SGMS1: variants seen among roughly 807,000 people sequenced by gnomAD.
SGMS1 encodes phosphatidylcholine:ceramide cholinephosphotransferase 1.
A neutral mutation model predicts 46.2 loss-of-function variants in SGMS1; 13 were observed. That is an observed-to-expected ratio of 0.28 (90% CI 0.18 to 0.45). The LOEUF is 0.45. Among genes scored for constraint, SGMS1 ranks in the 20% least tolerant of loss-of-function variants. SGMS1 has a pLI of 1.00. For missense variants in SGMS1, 324 were observed against 519.9 expected (o/e 0.62, Z 3.66); for synonymous variants, 203 against 187.8 (o/e 1.08, Z -0.66).
chr10:50,428,932 C>G (rs1211232937), intron 6 of SGMS1, among the ~76,000 whole-genome samples: 1 of 152,192 alleles, frequency 6.6e-6, no homozygotes, highest in Non-Finnish European at 1.5e-5. Context: ...CTTAAACATG[C>G]TCAGAACACT....
chr10:50,404,911 T>C (rs1286262828), intron 6 of SGMS1, among the ~76,000 whole-genome samples: 1 of 152,190 alleles, frequency 6.6e-6, no homozygotes, highest in African/African-American at 2.4e-5. Context: ...TCTGTATGTG[T>C]TGACAGGAAT....
Position 50,363,516 on chromosome 10 carries a change from T to C in SGMS1, c.-231-19171A>G, listed in dbSNP as rs1041243468. 2.6e-5 allele frequency among the ~76,000 whole-genome samples: 4 copies of C among 152,284 alleles called. No individual in the cohort carries two copies. In the East Asian group the frequency reaches 7.7e-4, roughly 29 times the overall value. Reference sequence around the variant, plus strand: ...GAGCAACTGCCTCTTCCCCACACCATAGAATACTGAAGTTTATCCTCTGGA... The same window carrying C: ...GAGCAACTGCCTCTTCCCCACACCACAGAATACTGAAGTTTATCCTCTGGA... On this transcript the variant is annotated intron_variant, in intron 6 of 10. Transcript: ENST00000361781.
intron 1 of SGMS1, among the ~76,000 whole-genome samples, chr10:50,600,244 T>G (rs983779625): frequency 3.9e-5 from 6 of 152,256 alleles, no homozygotes; most frequent in African/African-American, 7.2e-5. Context: ...CTGGTTCTGC[T>G]GGTTATGAAA....
intron 3 of SGMS1, among the ~76,000 whole-genome samples, chr10:50,502,936 A>C (rs1045356110): frequency 9.9e-5 from 15 of 152,226 alleles, no homozygotes; most frequent in African/African-American, 2.9e-4. Flanking sequence ...AGATACAGTT[A>C]AGCACAACCC....
At chr10:50,592,258 G>A (rs899480228) in intron 1 of SGMS1, among the ~76,000 whole-genome samples, 1 of 152,144 alleles carries the variant, frequency 6.6e-6, no homozygotes, top group East Asian at 1.9e-4. Flanking sequence ...GGTGAGGGAA[G>A]GTTAAGTAAA....
At chr10:50,434,720 C>A (rs150788541) in intron 5 of SGMS1, among the ~76,000 whole-genome samples, 67 of 137,056 alleles carry the variant, frequency 4.9e-4, no homozygotes, top group Non-Finnish European at 5.3e-4. Flanking sequence ...ACTAAAAATA[C>A]AAAAAAAAAA....
intron 7 of SGMS1, chr10:50,335,612 AG>A (rs1847703464): frequency 6.6e-6 from 1 of 152,226 alleles, no homozygotes; most frequent in Admixed American, 6.5e-5. Context: ...TGGCACCGAC[AG>A]GCTGGTGGGA....
At chr10:50,319,159 A>C (rs1376706399) in intron 8 of SGMS1, among the ~76,000 whole-genome samples, 1 of 126,666 alleles carries the variant, frequency 7.9e-6, no homozygotes, top group Non-Finnish European at 1.7e-5. Flanking sequence ...GAGATTTGCC[A>C]CCAAAAAAAA....
chr10:50,387,730 T>C (rs990389535), intron 6 of SGMS1, among the ~76,000 whole-genome samples: 15 of 152,188 alleles, frequency 9.9e-5, no homozygotes, highest in African/African-American at 1.7e-4. Context: ...CAGAGGTTAA[T>C]TGAGCAAAGA....
intron 6 of SGMS1, among the ~76,000 whole-genome samples, chr10:50,407,933 T>A (rs1469746047): frequency 1.3e-5 from 2 of 152,126 alleles, no homozygotes; most frequent in Non-Finnish European, 2.9e-5. Context: ...TAAATTTGTA[T>A]CTAAATATCA....
At chr10:50,529,071 C>T (rs1391951546) in intron 2 of SGMS1, among the ~76,000 whole-genome samples, 1 of 152,154 alleles carries the variant, frequency 6.6e-6, no homozygotes, top group Admixed American at 6.5e-5. Flanking sequence ...AAAGGAACAT[C>T]AATGGCATTA....
At chr10:50,361,588 C>T (rs758107039) in intron 6 of SGMS1, among the ~76,000 whole-genome samples, 1 of 152,138 alleles carries the variant, frequency 6.6e-6, no homozygotes, top group Non-Finnish European at 1.5e-5. Context: ...CGGGATTGCC[C>T]CTTGCAACTT....
At chr10:50,433,174 C>T (rs1849426960) in intron 6 of SGMS1, among the ~76,000 whole-genome samples, 1 of 152,138 alleles carries the variant, frequency 6.6e-6, no homozygotes. Context: ...AGGGTTATTC[C>T]AAGCTTAATT....
At chr10:50,590,891 C>T (rs889619041) in intron 1 of SGMS1, among the ~76,000 whole-genome samples, 2 of 152,142 alleles carry the variant, frequency 1.3e-5, no homozygotes, top group African/African-American at 4.8e-5. Flanking sequence ...GCCCAAACAT[C>T]CACTCTAACA....
chr10:50,588,887 C>T (rs960127440), intron 2 of SGMS1, among the ~76,000 whole-genome samples: 5 of 151,936 alleles, frequency 3.3e-5, no homozygotes, highest in East Asian at 1.9e-4. Context: ...ATGTCACTAC[C>T]GCTCAGCTAA....
chr10:50,539,989 A>C (rs1838037969), intron 2 of SGMS1, among the ~76,000 whole-genome samples: 1 of 152,208 alleles, frequency 6.6e-6, no homozygotes, highest in African/African-American at 2.4e-5. Flanking sequence ...TTTATGTCAA[A>C]GCATACTGAA....
chr10:50,327,695 C>A (rs1847553049), intron 7 of SGMS1, among the ~76,000 whole-genome samples: 1 of 152,118 alleles, frequency 6.6e-6, no homozygotes, highest in African/African-American at 2.4e-5. Flanking sequence ...TTGCTGTCAT[C>A]AAAGGAAGAT....
At chr10:50,556,475 AAACATGTCAGGGG>A (rs1838190099) in intron 2 of SGMS1, among the ~76,000 whole-genome samples, 1 of 152,206 alleles carries the variant, frequency 6.6e-6, no homozygotes, top group Non-Finnish European at 1.5e-5. Flanking sequence ...GGGAGTGAGC[AAACATGTCAGGGG>A]AAGCACATTC....
chr10:50,604,375 T>C (rs1394097846), intron 1 of SGMS1, among the ~76,000 whole-genome samples: 1 of 151,992 alleles, frequency 6.6e-6, no homozygotes, highest in Non-Finnish European at 1.5e-5. Context: ...GAAGAACTAT[T>C]AGGAAGATAA....
Sources: gnomAD v4.1 joint callset for allele counts (sites outside exome capture counted in the v4.1 genomes callset) on GRCh38, gnomAD v4.1.1 for gene constraint, MANE v1.5 for transcripts, NCBI Gene and HGNC (gene_info 2026-07-23, HGNC 2026-07-21) for gene names.